The following FASN variants were observed in gnomAD, a reference collection of about 807,000 sequenced individuals.
FASN encodes fatty acid synthase.
FASN carries 50 observed loss-of-function variants against 250.0 expected under a neutral mutation model. The observed-to-expected ratio is 0.20, with a 90% CI of 0.16 to 0.25. The LOEUF (loss-of-function observed/expected upper bound fraction) is 0.25, where lower values mean the gene tolerates loss of function less well. FASN is among the 10% of genes least tolerant of loss of function. FASN has a pLI of 1.00. For synonymous variants in FASN, 1,909 were observed against 1,584.0 expected (o/e 1.21, Z -4.87); for missense variants, 3,031 against 3,498.5 (o/e 0.87, Z 3.37).
Position 82,085,680 on chromosome 17 carries a change from G to A in FASN, c.3924C>T (p.Gly1308=). ...AGTTGCACACCAGGAGGTCGGCGCT[G>A]CCCAGGGCGCTGGGGGCAGGGTCTG... The part of the protein sequence containing the change: ...DPADPAPSAL[G]SADLLVCNCA... Residue 1308 remains glycine (G), a synonymous_variant, in exon 23 of 43, where the codon GGC becomes GGT. Transcript: ENST00000306749. 1 of 1,575,960 alleles carries A rather than the reference G, an allele frequency of 6.3e-7. No homozygotes were observed.
Position 82,084,802 on chromosome 17 carries a change from C to T in FASN, c.4561G>A (p.Glu1521Lys), listed in dbSNP as rs2144788662. 2.6e-6 allele frequency: 4 copies of T among 1,550,224 alleles called. 1 individual carries two copies. Among genetic ancestry groups the T allele is most frequent in the South Asian group, 2.4e-5 (2 of 84,086 alleles). ...CAGGGCAGTGTCGGGGGCTCACCCT[C>T]CTCCAGCAGGAAGTGGCGGAAAGCC... is the stretch of plus-strand genomic sequence containing the variant. ...WGAFRHFLLE[E>K]DKPEEPTAHA... Residue 1521 changes from glutamate (E) to lysine (K), a missense_variant, in exon 26 of 43, where the codon GAG (glutamate) becomes AAG (lysine). Glu to Lys is a moderately conservative substitution (Grantham distance 56). Coordinates refer to ENST00000306749, the MANE Select transcript of FASN (RefSeq NM_004104.5).
intron 8 of FASN, among the ~76,000 whole-genome samples, chr17:82,091,999 C>CTT (rs2034218719): frequency 6.6e-6 from 1 of 152,192 alleles, no homozygotes; most frequent in Non-Finnish European, 1.5e-5. Context: ...TCAGAGGCTG[C>CTT]AGAAGTTGGG....
intron 29 of FASN, 31 bp downstream of exon 29, chr17:82,083,944 G>A (rs1470424004): frequency 3.9e-6 from 6 of 1,545,908 alleles, no homozygotes; most frequent in Middle Eastern, 1.7e-4. Context: ...GGCCAGGAGG[G>A]CAGCGGGAGG....
Position 82,084,647 on chromosome 17 carries a change from C to T in FASN, c.4634G>A (p.Arg1545His), listed in dbSNP as rs41283363. Residue 1545 changes from arginine (R) to histidine (H), a missense_variant, in exon 27 of 43, where the codon CGC (arginine) becomes CAC (histidine). Transcript: ENST00000306749. ...TLTRGDLSSI[R>H]WVCSSLRHAQ... is the part of the protein sequence containing the mutation. ...ATGGCGCAGCGAGGAGCAGACCCAGCGGATGGAGGACAGGTCCCCCCGGGT... is the reference window on the plus strand; with the variant it reads ...ATGGCGCAGCGAGGAGCAGACCCAGTGGATGGAGGACAGGTCCCCCCGGGT... The T allele has an allele frequency of 8.6e-5, 137 of 1,597,316 alleles. No individual in the cohort carries two copies. Among genetic ancestry groups the T allele is most frequent in the Non-Finnish European group, 1.1e-4 (130 of 1,172,804 alleles).
rs2034010823 is a variant in FASN, at chr17:82,082,613, T to C, written c.5833A>G (p.Asn1945Asp). The C allele has an allele frequency of 6.2e-7, 1 of 1,610,940 alleles. No individual in the cohort carries two copies. Among genetic ancestry groups the C allele is most frequent in the Admixed American group, 1.7e-5 (1 of 60,008 alleles). Residue 1945 changes from asparagine (N) to aspartate (D), a missense_variant, in exon 34 of 43, where the codon AAC (asparagine) becomes GAC (aspartate). By Grantham distance (23) the Asn-to-Asp change is conservative. Transcript: ENST00000306749. Reference protein sequence around the residue: ...QGVQVQVSTSNISSLEGARGL... With the variant: ...QGVQVQVSTSDISSLEGARGL... ...CGGGCCCCCTCCAGTGAGCTGATGT[T>C]GCTGGTGGACACCTGCACCTGTACG...
intron 31 of FASN, 42 bp downstream of exon 31, chr17:82,083,475 A>T: frequency 6.2e-7 from 1 of 1,612,292 alleles, no homozygotes; most frequent in Admixed American, 1.7e-5. Context: ...GTCCACCCAC[A>T]CCCATCCATG....
chr17:82,091,654 C>A lies in FASN; in HGVS notation c.1060G>T (p.Ala354Ser). 3 of 1,593,324 alleles carry A rather than the reference C, an allele frequency of 1.9e-6. No homozygotes were observed. The highest frequency in any genetic ancestry group is 1.8e-5 in the Admixed American group (1 of 56,244). ...GGGCTATGGAAGTGCAGGTTGGGGG[C>A]CCAGAGCCCGTGCTCCAGGGACAGC... is the stretch of plus-strand genomic sequence containing the variant. ...VLLSLEHGLW[A>S]PNLHFHSPNP... Residue 354 changes from alanine to serine, a missense_variant, in exon 9 of 43, where the codon GCC (alanine) becomes TCC (serine). Physicochemically the swap from Ala to Ser is moderately conservative, Grantham distance 99. Coordinates refer to ENST00000306749, the MANE Select transcript of FASN (RefSeq NM_004104.5).
Position 82,089,097 on chromosome 17 carries a change from G to C in FASN, c.2176C>G (p.Leu726Val), listed in dbSNP as rs1301264001. 2 of 1,572,688 alleles carry C rather than the reference G, an allele frequency of 1.3e-6. No individual in the cohort carries two copies. Among genetic ancestry groups the C allele is most frequent in the Non-Finnish European group, 1.7e-6 (2 of 1,159,888 alleles). ...TACTCGGCGGAGGACGTGCGTGCCA[G>C]GCTGCTGTGCCACTGGGCCTCGGGG... ...SIPEAQWHSS[L>V]ARTSSAEYNV... The change falls in exon 14 of 43, where the codon CTG (leucine) becomes GTG (valine). Residue 726 changes from leucine (L) to valine (V), a missense_variant. Physicochemically the swap from Leu to Val is conservative, Grantham distance 32 (BLOSUM62 1). Transcript: ENST00000306749.
intron 1 of FASN, chr17:82,097,604 C>A (rs956161446): frequency 6.6e-6 from 1 of 152,294 alleles, no homozygotes; most frequent in Non-Finnish European, 1.5e-5. Flanking sequence ...GTGGGAACAC[C>A]GCGGCGCGCC....
rs541901851 is a variant in FASN at position 82,082,927 on chromosome 17, G to A, written c.5754C>T (p.Ser1918=). ...CTGCCGACTCACCTGTCCGGATCCC[G>A]GAGCGAGAAGTCAACACGAGCTTCT... ...GVQKLVLTSR[S]GIRTGYQAKQ... The change falls in exon 33 of 43, where the codon TCC becomes TCT. Residue 1918 remains serine, a synonymous_variant. Coordinates refer to ENST00000306749, the MANE Select transcript of FASN (RefSeq NM_004104.5). 40 of 1,612,722 alleles carry A rather than the reference G, an allele frequency of 2.5e-5. No individual in the cohort carries two copies. In the Admixed American group the frequency reaches 2.7e-4, roughly 11 times the overall value.
At chr17:82,089,609 C>T in intron 12 of FASN, 23 bp downstream of exon 12, 2 of 1,574,442 alleles carry the variant, frequency 1.3e-6, no homozygotes, top group South Asian at 1.2e-5. Context: ...GACAGAGGAG[C>T]CCGCCCAGGC....
rs756910426 is a variant in FASN, at chr17:82,087,420, T to A, written c.3128A>T (p.Lys1043Met). The change falls in exon 20 of 43, where the codon AAG becomes ATG. Residue 1043 changes from lysine (K) to methionine (M), a missense_variant. Physicochemically the swap from Lys to Met is moderately conservative, Grantham distance 95. Coordinates refer to ENST00000306749, the MANE Select transcript of FASN (RefSeq NM_004104.5). ...ACGGGTGGGCAGGTACAGGCCGTGC[T>A]TGGCCGAGCCCAGGATGGACATCTG... The part of the protein sequence containing the change: ...MLQMSILGSA[K>M]HGLYLPTRVT... 129 of 1,612,706 alleles carry A rather than the reference T, an allele frequency of 8.0e-5. No individual in the cohort carries two copies. Among genetic ancestry groups the A allele is most frequent in the Non-Finnish European group, 1.0e-4 (118 of 1,179,978 alleles).
Position 82,087,257 on chromosome 17 carries a change from T to C in FASN, c.3224-4A>G, listed in dbSNP as rs778475602. On this transcript the variant is annotated splice_polypyrimidine_tract_variant and splice_region_variant and intron_variant, in intron 20 of 42. Transcript: ENST00000306749. Reference sequence around the variant, plus strand: ...CTGCTCACCACCACGTCAGCCACTGTGGGGACAGGCTGGGTGAGTGCGGCA... The same window carrying C: ...CTGCTCACCACCACGTCAGCCACTGCGGGGACAGGCTGGGTGAGTGCGGCA... The C allele has an allele frequency of 9.3e-6, 15 of 1,605,148 alleles. No homozygotes were observed. The highest frequency in any genetic ancestry group is 1.3e-5 in the African/African-American group (1 of 74,848).
At position 82,093,283 on chromosome 17, in the gene FASN, G is replaced by A. The variant is rs141843553; in HGVS notation, c.591C>T (p.Ser197=). 1,147 of 1,596,234 alleles carry A rather than the reference G, an allele frequency of 7.2e-4. 1 individual carries two copies. The highest frequency in any genetic ancestry group is 9.2e-4 in the Non-Finnish European group (1,078 of 1,172,456). ...GCATCCCCAGCCTCAAGAACTGCAC[G>A]GAGGTGTTGGGCTTCAGCAGGACAT... ...GINVLLKPNT[S]VQFLRLGMLS... Residue 197 remains serine, a synonymous_variant, in exon 5 of 43, where the codon TCC becomes TCT. Coordinates refer to ENST00000306749, the MANE Select transcript of FASN (RefSeq NM_004104.5).
intron 41 of FASN, 123 bp from the exon 42 acceptor site, chr17:82,079,731 G>T: frequency 7.4e-7 from 1 of 1,354,822 alleles, no homozygotes. Flanking sequence ...AGGCTAGATG[G>T]AGTGGGGCGA....
chr17:82,086,013 G>A lies in FASN; in HGVS notation c.3733-142C>T, dbSNP rs139938501. 1,566 of 1,228,246 alleles carry A rather than the reference G, an allele frequency of 1.3e-3. 31 individuals are homozygous for A. In the East Asian group the frequency reaches 0.035, roughly 27 times the overall value. 76.1% of individuals were successfully genotyped at this position (1,228,246 alleles called of 1,614,324 possible). A position where few individuals can be genotyped will look rare whatever the true frequency, so the allele number is the denominator to read the frequency against. ...GACGGTGCCAGCCATGGGCACGCAT[G>A]GATGCCACTGGTCTTGTCCCTGGGG... is the stretch of plus-strand genomic sequence containing the variant. On this transcript the variant is annotated intron_variant, in intron 22 of 42. Coordinates refer to ENST00000306749, the MANE Select transcript of FASN (RefSeq NM_004104.5).
chr17:82,081,291 C>T lies in FASN; in HGVS notation c.6468G>A (p.Ser2156=), dbSNP rs368175163. 5.4e-5 allele frequency: 84 copies of T among 1,560,704 alleles called. No homozygotes were observed. Among genetic ancestry groups the T allele is most frequent in the Admixed American group, 1.3e-4 (7 of 52,310 alleles). ...TCTGGCGCACCTCCACGCTCATGAGCGAGTCCAGGCCCAGGTCCGCCAGTG... is the reference window on the plus strand; with the variant it reads ...TCTGGCGCACCTCCACGCTCATGAGTGAGTCCAGGCCCAGGTCCGCCAGTG... ...DSSLADLGLD[S]LMSVEVRQTL... is the part of the protein sequence containing the mutation. The change falls in exon 38 of 43, where the codon TCG becomes TCA. Residue 2156 remains serine, a synonymous_variant. Transcript: ENST00000306749.
In FASN at chr17:82,087,146, C is replaced by T; in HGVS notation, c.3331G>A (p.Val1111Met). Residue 1111 changes from valine to methionine, a missense_variant, in exon 21 of 43, where the codon GTG becomes ATG. Val to Met is a conservative substitution (Grantham distance 21). Transcript: ENST00000306749. ...SAPRRQQEQQ[V>M]PILEKFCFTP... ...AAGCAAAACTTCTCCAGGATGGGCA[C>T]CTGCTGCTCCTGCTGCCGCCGCGGG... 6.2e-7 allele frequency: 1 copy of T among 1,610,696 alleles called. No homozygotes were observed. The highest frequency in any genetic ancestry group is 8.5e-7 in the Non-Finnish European group (1 of 1,179,360).
At chr17:82,086,009 G>A (rs924153085) in intron 22 of FASN, 138 bp from the exon 23 acceptor site, 25 of 1,227,822 alleles carry the variant, frequency 2.0e-5, no homozygotes, top group Non-Finnish European at 2.7e-5. Context: ...CCATGGGCAC[G>A]CATGGATGCC....
Sources: gnomAD v4.1 joint callset for allele counts (sites outside exome capture counted in the v4.1 genomes callset) on GRCh38, gnomAD v4.1.1 for gene constraint, MANE v1.5 for transcripts, NCBI Gene and HGNC (gene_info 2026-07-23, HGNC 2026-07-21) for gene names.